ANKRD16: variants seen among roughly 807,000 people sequenced by gnomAD.
ANKRD16 encodes ankyrin repeat domain-containing protein 16.
Under a neutral mutation model 37.9 loss-of-function variants are expected in ANKRD16, and 35 were observed. That is an observed-to-expected ratio of 0.92 (90% CI 0.71 to 1.23). ANKRD16 has a LOEUF of 1.23. ANKRD16 is among the 50% of genes most tolerant of loss of function. The pLI is 0.00. For missense variants in ANKRD16, 480 were observed against 469.9 expected, an observed-to-expected ratio of 1.02 and a Z score of -0.20; for synonymous variants, 206 against 197.2, an observed-to-expected ratio of 1.04 and a Z score of -0.37.
At chr10:5,884,100 G>A in intron 3 of ANKRD16, 23 bp from the exon 4 acceptor site, 1 of 1,603,464 alleles carries the variant, frequency 6.2e-7, no homozygotes, top group Non-Finnish European at 8.5e-7. Flanking sequence ...CCCCAAGTAA[G>A]AGCTGAGAAA....
rs1232944661 is a variant in ANKRD16 at position 5,871,218 on chromosome 10, C to T, written c.*33+6879G>A. 6.6e-6 allele frequency among the ~76,000 whole-genome samples: 1 copy of T among 152,126 alleles called. No individual in the cohort carries two copies. The highest frequency in any genetic ancestry group is 1.5e-5 in the Non-Finnish European group (1 of 68,042). ...CCTGACCAACATGGAGAAACCCTGT[C>T]TCTACTAAAAATAGAAAAATTAGCC... On this transcript the variant is annotated intron_variant, in intron 7 of 7. Coordinates refer to ENST00000380094, the MANE Select transcript of ANKRD16 (RefSeq NM_019046.3). The surrounding 1 kb of genome is among the most constrained non-coding windows in gnomAD (Gnocchi z 4.5).
intron 1 of ANKRD16, among the ~76,000 whole-genome samples, chr10:5,888,346 G>A (rs1036578751): frequency 1.3e-5 from 2 of 152,192 alleles, no homozygotes; most frequent in African/African-American, 2.4e-5. Flanking sequence ...GGATAGCAGT[G>A]AATTGGAGCA....
At chr10:5,882,835 G>T (rs577314028) in intron 5 of ANKRD16, 171 bp downstream of exon 5, 1 of 644,692 alleles carries the variant, frequency 1.6e-6, no homozygotes, top group Non-Finnish European at 2.4e-6. Flanking sequence ...TTCAAGTCAG[G>T]TTTCTATTTA....
chr10:5,874,045 C>T lies in ANKRD16; in HGVS notation c.*33+4052G>A, dbSNP rs1273222971. Among the ~76,000 whole-genome samples the T allele has an allele frequency of 6.6e-6, 1 of 152,084 alleles. No individual in the cohort carries two copies. Among genetic ancestry groups the T allele is most frequent in the Non-Finnish European group, 1.5e-5 (1 of 68,020 alleles). On this transcript the variant is annotated intron_variant, in intron 7 of 7. Coordinates refer to ENST00000380094, the MANE Select transcript of ANKRD16 (RefSeq NM_019046.3). The surrounding 1 kb of genome is among the most constrained non-coding windows in gnomAD (Gnocchi z 4.7). ...AGCTGGGATTACAGGCGGGTGCCAC[C>T]ACGCCTGGCTAATTTTTGTATTTTT...
intron 7 of ANKRD16, among the ~76,000 whole-genome samples, chr10:5,877,709 A>G (rs1330538666): frequency 6.6e-6 from 1 of 152,232 alleles, no homozygotes; most frequent in Admixed American, 6.5e-5. Context: ...AACGTATGTG[A>G]TATTTTTGTT....
At chr10:5,872,847 C>T (rs188082522) in intron 7 of ANKRD16, among the ~76,000 whole-genome samples, 40 of 149,112 alleles carry the variant, frequency 2.7e-4, no homozygotes, top group Middle Eastern at 3.7e-3. Flanking sequence ...TGAGCCACCG[C>T]GCCCGGCCCT....
At position 5,880,987 on chromosome 10, in the gene ANKRD16, C is replaced by T. The variant is rs1842291654; in HGVS notation, c.850-611G>A. ...ATTCTTTTTTTTTTTTTTGTAGAGA[C>T]AAGGTCTCACTATGTTGTCCAGACT... On this transcript the variant is annotated intron_variant, in intron 5 of 7. Coordinates refer to ENST00000380094, the MANE Select transcript of ANKRD16 (RefSeq NM_019046.3). 2.2e-5 allele frequency: 3 copies of T among 134,546 alleles called. No individual in the cohort carries two copies. In the East Asian group the frequency reaches 6.2e-4, roughly 28 times the overall value. The allele number at this position is 134,546 out of a possible 1,614,324, so 8.3% of individuals were successfully genotyped here.
In ANKRD16 at chr10:5,870,782, TG is replaced by T. The variant is rs1842077627; in HGVS notation, c.*33+7314del. ...AGAGTAGGAAGAGTAACAAGAGACCTGGTTCACCTGTGGTGAAGCCAGGAGA... is the reference window on the plus strand; with the variant it reads ...AGAGTAGGAAGAGTAACAAGAGACCTGTTCACCTGTGGTGAAGCCAGGAGA... On this transcript the variant is annotated intron_variant, in intron 7 of 7. Coordinates refer to ENST00000380094, the MANE Select transcript of ANKRD16 (RefSeq NM_019046.3). The surrounding 1 kb of genome is among the most constrained non-coding windows in gnomAD (Gnocchi z 5.0). 6.6e-6 allele frequency among the ~76,000 whole-genome samples: 1 copy of T among 152,194 alleles called. No homozygotes were observed. Among genetic ancestry groups the T allele is most frequent in the Non-Finnish European group, 1.5e-5 (1 of 68,024 alleles).
At chr10:5,876,508 G>A (rs1016435692) in intron 7 of ANKRD16, among the ~76,000 whole-genome samples, 30 of 152,194 alleles carry the variant, frequency 2.0e-4, no homozygotes. Context: ...CAGACCTAGA[G>A]GGCATTGACG....
In ANKRD16 at chr10:5,887,861, G is replaced by A. The variant is rs1184211801; in HGVS notation, c.521C>T (p.Pro174Leu). ...GTAGGCTGTACCTGCAGTATGCAGA[G>A]GAGTCCTTCTAATTTTGCTCTCTGT... The part of the protein sequence containing the change: ...WKTESKIRRT[P>L]LHTAAMHGHL... Residue 174 changes from proline to leucine, a missense_variant, in exon 2 of 8, where the codon CCT (proline) becomes CTT (leucine). Coordinates refer to ENST00000380094, the MANE Select transcript of ANKRD16 (RefSeq NM_019046.3). 1.9e-6 allele frequency: 3 copies of A among 1,613,600 alleles called. No individual in the cohort carries two copies. The Admixed American group carries it at 5.0e-5, about 27-fold the overall frequency.
chr10:5,885,425 G>A (rs1340369359), intron 3 of ANKRD16, among the ~76,000 whole-genome samples: 3 of 151,802 alleles, frequency 2.0e-5, no homozygotes, highest in South Asian at 4.2e-4. Flanking sequence ...CTTGTGATCC[G>A]CCCGCCTCGG....
rs1842093319 is a variant in ANKRD16, at chr10:5,871,727, C to T, written c.*33+6370G>A. Among the ~76,000 whole-genome samples, 1 of 152,136 alleles carries T rather than the reference C, an allele frequency of 6.6e-6. No individual in the cohort carries two copies. Among genetic ancestry groups the T allele is most frequent in the South Asian group, 2.1e-4 (1 of 4,822 alleles). ...CCTACTTCCCACACCTTCCGAAGAG[C>T]CTTATCCCACAGAGCCCTCACTCCC... On this transcript the variant is annotated intron_variant, in intron 7 of 7. Transcript: ENST00000380094. This position sits in a 1 kb window ranked among gnomAD's most constrained non-coding sequence, Gnocchi z 4.5.
At chr10:5,885,849 C>G (rs1842414984) in intron 2 of ANKRD16, 84 bp from the exon 3 acceptor site, 6 of 1,388,434 alleles carry the variant, frequency 4.3e-6, no homozygotes, top group Middle Eastern at 1.8e-4. Context: ...GCTCTCTGCC[C>G]CGTTCTATTA....
chr10:5,889,448 T>G lies in ANKRD16; in HGVS notation c.-94A>C, dbSNP rs1295127113. 2.1e-6 allele frequency: 2 copies of G among 932,118 alleles called. No homozygotes were observed. The highest frequency in any genetic ancestry group is 1.8e-5 in the African/African-American group (1 of 57,140). 57.7% of individuals were successfully genotyped at this position (932,118 alleles called of 1,614,324 possible). A position where few individuals can be genotyped will look rare whatever the true frequency, so the allele number is the denominator to read the frequency against. ...CCGAGGGCGAGTGGGACTTTCCGCC[T>G]CTTCACGCAACCTGCCCCGCGCGCC... On this transcript the variant is annotated 5_prime_UTR_variant, in exon 1 of 8. Transcript: ENST00000380094.
chr10:5,882,764 G>A (rs990071958), intron 5 of ANKRD16: 4 of 342,388 alleles, frequency 1.2e-5, no homozygotes. Flanking sequence ...AAACCTGTGT[G>A]TGAGGGGGAG....
Position 5,865,058 on chromosome 10 carries a change from T to C in ANKRD16, c.*34-2367A>G, listed in dbSNP as rs1841994136. Among the ~76,000 whole-genome samples, 1 of 152,042 alleles carries C rather than the reference T, an allele frequency of 6.6e-6. No homozygotes were observed. The highest frequency in any genetic ancestry group is 2.1e-4 in the South Asian group (1 of 4,818). ...ACCTGGCAACCTCTGTGTTCTATGA[T>C]AAGGACCAAGAGGAACAGGCTGAAA... On this transcript the variant is annotated intron_variant, in intron 7 of 7. Coordinates refer to ENST00000380094, the MANE Select transcript of ANKRD16 (RefSeq NM_019046.3). This position sits in a 1 kb window ranked among gnomAD's most constrained non-coding sequence, Gnocchi z 4.7.
intron 2 of ANKRD16, 127 bp downstream of exon 2, chr10:5,887,716 CTTAT>C: frequency 5.5e-6 from 1 of 181,342 alleles, no homozygotes; most frequent in Non-Finnish European, 1.1e-5. Context: ...CCCAGATGTT[CTTAT>C]TCTCTGCCTT....
At chr10:5,881,689 AT>A (rs71388495) in intron 5 of ANKRD16, among the ~76,000 whole-genome samples, 91,824 of 113,142 alleles carry the variant, frequency 0.81, 37,206 homozygotes, top group Admixed American at 0.85. Context: ...GATGGTCTTG[AT>A]TTTTTTTTTT....
intron 2 of ANKRD16, among the ~76,000 whole-genome samples, chr10:5,887,115 A>G (rs1473022717): frequency 6.6e-6 from 1 of 152,228 alleles, no homozygotes; most frequent in Non-Finnish European, 1.5e-5. Flanking sequence ...ATTTACATAC[A>G]TCATGCTCTT....
Sources: allele counts gnomAD v4.1 joint callset (sites outside exome capture counted in the v4.1 genomes callset), GRCh38; gene constraint gnomAD v4.1.1; non-coding constraint Gnocchi (gnomAD v3.1); transcripts MANE v1.5; gene names NCBI Gene and HGNC (gene_info 2026-07-23, HGNC 2026-07-21).